The following CTIF variants were observed in gnomAD, a reference collection of about 807,000 sequenced individuals.
CTIF encodes the protein cap binding complex dependent translation initiation factor.
Under a neutral mutation model 66.0 loss-of-function variants are expected in CTIF, and 21 were observed. The observed-to-expected ratio is 0.32, with a 90% CI of 0.23 to 0.46. CTIF has a LOEUF of 0.46. Ranked by LOEUF, CTIF falls within the 20% of genes least tolerant of loss-of-function variation. CTIF has a pLI of 1.00. For synonymous variants in CTIF, 345 were observed against 326.4 expected, an observed-to-expected ratio of 1.06 and a Z score of -0.62; for missense variants, 739 against 812.7, an observed-to-expected ratio of 0.91 and a Z score of 1.10.
intron 10 of CTIF, among the ~76,000 whole-genome samples, chr18:48,830,732 ACCC>A (rs33979890): frequency 2.3e-5 from 3 of 132,894 alleles, no homozygotes; most frequent in African/African-American, 8.6e-5. Flanking sequence ...AGTTTCTCAG[ACCC>A]CCCCCCGACC....
chr18:48,733,879 A>G (rs60270307), intron 7 of CTIF, among the ~76,000 whole-genome samples: 5,138 of 152,214 alleles, frequency 0.034, 273 homozygotes, highest in African/African-American at 0.12. Flanking sequence ...CCCTTCCCCC[A>G]GTCTCTCAGG....
intron 5 of CTIF, among the ~76,000 whole-genome samples, chr18:48,668,660 C>T (rs1598835521): frequency 6.6e-6 from 1 of 152,292 alleles, no homozygotes; most frequent in East Asian, 1.9e-4. Context: ...ACTGGCACCA[C>T]ACATGCTCCT....
chr18:48,761,866 G>T lies in CTIF; in HGVS notation c.1371+177G>T, dbSNP rs1346591533. 1.3e-5 allele frequency among the ~76,000 whole-genome samples: 2 copies of T among 152,262 alleles called. No homozygotes were observed. Among genetic ancestry groups the T allele is most frequent in the Non-Finnish European group, 2.9e-5 (2 of 68,048 alleles). On this transcript the variant is annotated intron_variant, in intron 9 of 11. Coordinates refer to ENST00000256413, the MANE Select transcript of CTIF (RefSeq NM_014772.3). The surrounding 1 kb of genome is among the most constrained non-coding windows in gnomAD (Gnocchi z 4.2). ...TTAAGGGGCCAGGAATGAGCGGCTG[G>T]ATTTGTGTGTGTTTATGTGTGGGCT...
At chr18:48,734,069 C>A (rs1005266443) in intron 7 of CTIF, among the ~76,000 whole-genome samples, 1 of 152,350 alleles carries the variant, frequency 6.6e-6, no homozygotes, top group Middle Eastern at 3.4e-3. Context: ...GTTCTTCTAA[C>A]TCTGCTAAGC....
intron 7 of CTIF, among the ~76,000 whole-genome samples, chr18:48,751,545 T>C (rs1293846926): frequency 6.6e-6 from 1 of 152,226 alleles, no homozygotes; most frequent in Non-Finnish European, 1.5e-5. Flanking sequence ...CTGCCTCATC[T>C]GAAGGAAGTG....
At chr18:48,763,059 G>A (rs577883047) in intron 9 of CTIF, among the ~76,000 whole-genome samples, 8 of 152,390 alleles carry the variant, frequency 5.2e-5, no homozygotes, top group African/African-American at 1.9e-4. Flanking sequence ...CATGGGGCAT[G>A]TTCCTCGCGG....
intron 7 of CTIF, among the ~76,000 whole-genome samples, chr18:48,732,188 C>T (rs1017570463): frequency 2.6e-5 from 4 of 152,204 alleles, no homozygotes; most frequent in Non-Finnish European, 4.4e-5. Context: ...AGCAGGACTC[C>T]CATTCCCTGG....
chr18:48,705,486 C>T (rs1377282405), intron 6 of CTIF, among the ~76,000 whole-genome samples: 1 of 152,248 alleles, frequency 6.6e-6, no homozygotes, highest in African/African-American at 2.4e-5. Context: ...TTCAAAGATT[C>T]TATTTTCAAA....
chr18:48,623,356 G>A (rs1231812243), intron 2 of CTIF, among the ~76,000 whole-genome samples: 3 of 152,108 alleles, frequency 2.0e-5, no homozygotes, highest in East Asian at 1.9e-4. Context: ...TGCCCCTACC[G>A]CGCCCCTGCC....
At chr18:48,850,267 G>A (rs1045195886) in intron 10 of CTIF, among the ~76,000 whole-genome samples, 15 of 152,154 alleles carry the variant, frequency 9.9e-5, no homozygotes, top group Non-Finnish European at 1.9e-4. Flanking sequence ...TCATCTTTCA[G>A]TGAACACTTG....
At chr18:48,602,435 T>G (rs2090106825) in intron 1 of CTIF, among the ~76,000 whole-genome samples, 1 of 152,180 alleles carries the variant, frequency 6.6e-6, no homozygotes, top group Non-Finnish European at 1.5e-5. Context: ...GCGTGAGCAA[T>G]TTGTCTACAT....
chr18:48,742,216 A>G (rs1319087558), intron 7 of CTIF, among the ~76,000 whole-genome samples: 1 of 152,248 alleles, frequency 6.6e-6, no homozygotes, highest in Non-Finnish European at 1.5e-5. Flanking sequence ...GAGCTCCTCA[A>G]GAACCAAGAG....
chr18:48,842,095 A>T (rs979440501), intron 10 of CTIF, among the ~76,000 whole-genome samples: 1 of 151,986 alleles, frequency 6.6e-6, no homozygotes, highest in African/African-American at 2.4e-5. Context: ...AGGGTTGGAG[A>T]GACGGGGACG....
intron 7 of CTIF, among the ~76,000 whole-genome samples, chr18:48,730,456 CT>C (rs2092437535): frequency 7.1e-6 from 1 of 141,572 alleles, no homozygotes; most frequent in Admixed American, 6.9e-5. Context: ...GTGTGAGGGG[CT>C]TCCGCGGTGT....
At chr18:48,739,591 G>T (rs561338898) in intron 7 of CTIF, among the ~76,000 whole-genome samples, 2 of 152,328 alleles carry the variant, frequency 1.3e-5, no homozygotes, top group East Asian at 3.9e-4. Context: ...GCCACTCACA[G>T]GGCAGCAGTG....
intron 2 of CTIF, among the ~76,000 whole-genome samples, chr18:48,629,952 G>GCAGGCT (rs1422074049): frequency 3.3e-5 from 5 of 152,210 alleles, no homozygotes; most frequent in African/African-American, 1.2e-4. Context: ...TTGCTACACA[G>GCAGGCT]CAGGCTCCCC....
At chr18:48,702,044 A>G (rs922931738) in intron 6 of CTIF, among the ~76,000 whole-genome samples, 1 of 152,174 alleles carries the variant, frequency 6.6e-6, no homozygotes, top group African/African-American at 2.4e-5. Flanking sequence ...AAGAGCAAAT[A>G]TTTTCATCCT....
chr18:48,582,968 C>T (rs192526670), intron 1 of CTIF, among the ~76,000 whole-genome samples: 36 of 152,348 alleles, frequency 2.4e-4, no homozygotes, highest in Middle Eastern at 3.4e-3. Context: ...TTTCATCATG[C>T]CATTTAGAAA....
chr18:48,761,590 C>T lies in CTIF; in HGVS notation c.1272C>T (p.Asp424=). Residue 424 remains aspartate (D), a synonymous_variant, in exon 9 of 12, where the codon GAC becomes GAT. Transcript: ENST00000256413. This position sits in a 1 kb window ranked among gnomAD's most constrained non-coding sequence, Gnocchi z 4.2. ...VRTIYQKAVS[D]RSFAFTAAKL... ...CAATCTACCAGAAGGCTGTGTCCGA[C>T]CGCAGCTTCGCCTTCACCGCTGCCA... 1 of 1,614,236 alleles carries T rather than the reference C, an allele frequency of 6.2e-7. No homozygotes were observed. The highest frequency in any genetic ancestry group is 1.1e-5 in the South Asian group (1 of 91,086).
Sources: allele counts gnomAD v4.1 joint callset (sites outside exome capture counted in the v4.1 genomes callset), GRCh38; gene constraint gnomAD v4.1.1; non-coding constraint Gnocchi (gnomAD v3.1); transcripts MANE v1.5; gene names NCBI Gene and HGNC (gene_info 2026-07-23, HGNC 2026-07-21).